DDX60: variants seen among roughly 807,000 people sequenced by gnomAD.
DDX60 encodes DExD/H-box helicase 60, also known as probable ATP-dependent RNA helicase DDX60.
DDX60 carries 165 observed loss-of-function variants against 212.8 expected under a neutral mutation model. That is an observed-to-expected ratio of 0.78 (90% CI 0.68 to 0.88). The LOEUF (loss-of-function observed/expected upper bound fraction) is 0.88, where lower values mean the gene tolerates loss of function less well. Among genes scored for constraint, DDX60 ranks in the 40% least tolerant of loss-of-function variants. DDX60 has a pLI of 0.00. For synonymous variants in DDX60, 703 were observed against 685.3 expected (o/e 1.03, Z -0.40); for missense variants, 1,905 against 2,003.9 (o/e 0.95, Z 0.94).
intron 33 of DDX60, among the ~76,000 whole-genome samples, chr4:168,234,992 A>G (rs1196898491): frequency 6.6e-6 from 1 of 152,072 alleles, no homozygotes; most frequent in Non-Finnish European, 1.5e-5. Context: ...CAAATCTAAA[A>G]GACTGCTAAA....
At chr4:168,275,829 A>G (rs1224115924) in intron 15 of DDX60, among the ~76,000 whole-genome samples, 186 bp downstream of exon 15, 1 of 152,142 alleles carries the variant, frequency 6.6e-6, no homozygotes. Flanking sequence ...CTGTTTGTCC[A>G]GGTAAGCATT....
intron 30 of DDX60, among the ~76,000 whole-genome samples, chr4:168,241,385 C>T (rs1429911501): frequency 6.6e-6 from 1 of 152,084 alleles, no homozygotes; most frequent in Admixed American, 6.6e-5. Flanking sequence ...CAGAAGCAGA[C>T]AGGAACATGT....
intron 33 of DDX60, among the ~76,000 whole-genome samples, chr4:168,233,526 C>A (rs575189742): frequency 1.3e-5 from 2 of 152,134 alleles, no homozygotes; most frequent in South Asian, 4.1e-4. Flanking sequence ...TACTACTCAG[C>A]CATAAATAGA....
intron 28 of DDX60, among the ~76,000 whole-genome samples, chr4:168,250,271 G>T (rs7695723): frequency 0.043 from 6,498 of 152,086 alleles, 156 homozygotes; most frequent in Non-Finnish European, 0.054. Context: ...GCCTTGTGCA[G>T]TGGCTAACAC....
At position 168,267,687 on chromosome 4, in the gene DDX60, G is replaced by A; in HGVS notation, c.2934C>T (p.Leu978=). The A allele has an allele frequency of 1.3e-6, 2 of 1,580,696 alleles. No individual in the cohort carries two copies. The highest frequency in any genetic ancestry group is 1.7e-6 in the Non-Finnish European group (2 of 1,164,232). Reference sequence around the variant, plus strand: ...CTAGATCATTATACCTCTCTCCATAGAGCACTAAAAATGAAGAACAAGAAT... The same window carrying A: ...CTAGATCATTATACCTCTCTCCATAAAGCACTAAAAATGAAGAACAAGAAT... ...VKQSYKVRLV[L]YGERYNDLEK... is the part of the protein sequence containing the mutation. The change falls in exon 22 of 38, where the codon CTC becomes CTT. Residue 978 remains leucine, a synonymous_variant. Transcript: ENST00000393743.
chr4:168,255,649 C>G (rs545154161), intron 26 of DDX60, 62 bp downstream of exon 26: 6 of 1,373,248 alleles, frequency 4.4e-6, no homozygotes, highest in South Asian at 3.0e-5. Flanking sequence ...TTTACGTTTC[C>G]TACTAGGACT....
At chr4:168,228,507 T>C (rs1399898568) in intron 33 of DDX60, among the ~76,000 whole-genome samples, 1 of 152,074 alleles carries the variant, frequency 6.6e-6, no homozygotes, top group Non-Finnish European at 1.5e-5. Context: ...AACATGTATG[T>C]GCACACTATT....
Position 168,271,992 on chromosome 4 carries a change from C to T in DDX60, c.2670+51G>A, listed in dbSNP as rs1276858291. On this transcript the variant is annotated intron_variant, in intron 19 of 37. Coordinates refer to ENST00000393743, the MANE Select transcript of DDX60 (RefSeq NM_017631.6). ...CCTGAAACACCAAATATCTTCATTGCTATGCAAGTGTGCACTAGGGAATTA... is the reference window on the plus strand; with the variant it reads ...CCTGAAACACCAAATATCTTCATTGTTATGCAAGTGTGCACTAGGGAATTA... 5.9e-6 allele frequency: 8 copies of T among 1,362,494 alleles called. No individual in the cohort carries two copies. In the East Asian group the frequency reaches 1.5e-4, roughly 25 times the overall value. The allele number at this position is 1,362,494 out of a possible 1,614,324, so 84.4% of individuals were successfully genotyped here.
intron 1 of DDX60, among the ~76,000 whole-genome samples, chr4:168,315,542 C>T (rs1395662148): frequency 6.6e-6 from 1 of 152,186 alleles, no homozygotes; most frequent in Non-Finnish European, 1.5e-5. Context: ...GCACCTCATG[C>T]ATTAGGTATT....
chr4:168,296,993 C>A (rs1736373222), intron 6 of DDX60, among the ~76,000 whole-genome samples: 1 of 151,136 alleles, frequency 6.6e-6, no homozygotes, highest in Non-Finnish European at 1.5e-5. Flanking sequence ...CTCACTGCAA[C>A]TGCCATCTCC....
intron 24 of DDX60, 147 bp downstream of exon 24, chr4:168,261,853 T>C (rs1734635878): frequency 1.1e-6 from 1 of 915,858 alleles, no homozygotes; most frequent in Non-Finnish European, 1.6e-6. Context: ...TTTTATTCTA[T>C]CTCAGAATTA....
At position 168,284,942 on chromosome 4, in the gene DDX60, G is replaced by A. The variant is rs1267156520; in HGVS notation, c.1446-7C>T. The A allele has an allele frequency of 2.8e-6, 4 of 1,410,612 alleles. No homozygotes were observed. Among genetic ancestry groups the A allele is most frequent in the Admixed American group, 4.0e-5 (2 of 49,806 alleles). The allele number at this position is 1,410,612 out of a possible 1,614,324, so 87.4% of individuals were successfully genotyped here. A position where few individuals can be genotyped will look rare whatever the true frequency, so the allele number is the denominator to read the frequency against. ...AGTAACAATAGGATCATCACTGTGA[G>A]ACAAAAAAAGGCATATTTTAAATTG... On this transcript the variant is annotated splice_polypyrimidine_tract_variant and splice_region_variant and intron_variant, in intron 11 of 37. Transcript: ENST00000393743.
rs1478222075 is a variant in DDX60 at position 168,306,470 on chromosome 4, A to C, written c.515T>G (p.Val172Gly). 6.2e-7 allele frequency: 1 copy of C among 1,614,068 alleles called. No individual in the cohort carries two copies. Among genetic ancestry groups the C allele is most frequent in the Non-Finnish European group, 8.5e-7 (1 of 1,180,028 alleles). ...IIHSWARKVN[V>G]VLSSGQESDV... Reference sequence around the variant, plus strand: ...AGATTCTTGCCCTGAGGAAAGTACAACGTTGACCTTCCTTGCCCAAGAATG... The same window carrying C: ...AGATTCTTGCCCTGAGGAAAGTACACCGTTGACCTTCCTTGCCCAAGAATG... The change falls in exon 5 of 38, where the codon GTT (valine) becomes GGT (glycine). Residue 172 changes from valine to glycine, a missense_variant. Physicochemically the swap from Val to Gly is moderately radical, Grantham distance 109. Transcript: ENST00000393743.
In DDX60 at chr4:168,269,086, C is replaced by T. The variant is rs1369418344; in HGVS notation, c.2671-117G>A. The T allele has an allele frequency of 1.2e-5, 6 of 518,132 alleles. No homozygotes were observed. The South Asian group carries it at 2.2e-4, about 19-fold the overall frequency. The allele number at this position is 518,132 out of a possible 1,614,324, so 32.1% of individuals were successfully genotyped here. ...ATGCCTTCCCATCGCCTTTAAGTGA[C>T]CATGCCAAGTTTAAAGAAATATTAA... On this transcript the variant is annotated intron_variant, in intron 19 of 37. Coordinates refer to ENST00000393743, the MANE Select transcript of DDX60 (RefSeq NM_017631.6).
At chr4:168,273,179 A>C (rs1735176384) in intron 18 of DDX60, 100 bp downstream of exon 18, 1 of 1,203,260 alleles carries the variant, frequency 8.3e-7, no homozygotes, top group Admixed American at 2.6e-5. Flanking sequence ...CAAATAAATT[A>C]TTTTCACAAG....
intron 10 of DDX60, 22 bp from the exon 11 acceptor site, chr4:168,285,520 T>A (rs777363543): frequency 6.8e-7 from 1 of 1,462,770 alleles, no homozygotes; most frequent in Admixed American, 1.9e-5. Flanking sequence ...CAAAAAAAAA[T>A]TGAGACAAGG....
At chr4:168,301,828 C>T (rs931518711) in intron 6 of DDX60, among the ~76,000 whole-genome samples, 2 of 152,192 alleles carry the variant, frequency 1.3e-5, no homozygotes, top group African/African-American at 4.8e-5. Context: ...GTAGAGAAAA[C>T]TGTCAGGCAC....
At chr4:168,293,164 T>C (rs1278994951) in intron 7 of DDX60, among the ~76,000 whole-genome samples, 1 of 152,062 alleles carries the variant, frequency 6.6e-6, no homozygotes, top group Non-Finnish European at 1.5e-5. Context: ...CAACTGTATA[T>C]TGGGGGAAGG....
chr4:168,260,251 C>T (rs1221340999), intron 25 of DDX60, among the ~76,000 whole-genome samples: 2 of 152,112 alleles, frequency 1.3e-5, no homozygotes, highest in Non-Finnish European at 2.9e-5. Context: ...TCTCCTAATG[C>T]TATCCCTCCC....
Sources: allele counts gnomAD v4.1 joint callset (sites outside exome capture counted in the v4.1 genomes callset), GRCh38; gene constraint gnomAD v4.1.1; transcripts MANE v1.5; gene names NCBI Gene and HGNC (gene_info 2026-07-23, HGNC 2026-07-21).